Variants in HDAC9 observed in about 807,000 individuals in gnomAD.
The protein encoded by HDAC9 is histone deacetylase 9.
In HDAC9, 41 loss-of-function variants were observed where a neutral mutation model predicts 139.4. That is an observed-to-expected ratio of 0.29 (90% CI 0.23 to 0.38). The LOEUF (loss-of-function observed/expected upper bound fraction) is 0.38, where lower values mean the gene tolerates loss of function less well. Among genes scored for constraint, HDAC9 ranks in the 10% least tolerant of loss-of-function variants. The pLI, the probability that HDAC9 is intolerant of heterozygous loss-of-function variation, is 1.00. For missense variants in HDAC9, 1,147 were observed against 1,297.0 expected (o/e 0.88, Z 1.78); for synonymous variants, 517 against 476.2 (o/e 1.09, Z -1.12).
chr7:18,327,213 A>C (rs1331411096), intron 1 of HDAC9, among the ~76,000 whole-genome samples: 1 of 151,886 alleles, frequency 6.6e-6, no homozygotes, highest in African/African-American at 2.4e-5. Context: ...GATTAAAAAT[A>C]GTTGTGTTTA....
chr7:18,251,874 T>G (rs1461055492), intron 2 of HDAC9, among the ~76,000 whole-genome samples: 3 of 152,206 alleles, frequency 2.0e-5, no homozygotes, highest in African/African-American at 7.2e-5. Context: ...TATTAGAAAC[T>G]TACTTTGTTA....
chr7:18,800,927 T>C (rs577774695), intron 17 of HDAC9, among the ~76,000 whole-genome samples: 1 of 152,286 alleles, frequency 6.6e-6, no homozygotes, highest in East Asian at 1.9e-4. Context: ...AGTGGCATCT[T>C]ATTACAATTA....
chr7:18,251,369 G>T (rs377680926), intron 2 of HDAC9, among the ~76,000 whole-genome samples: 4 of 152,198 alleles, frequency 2.6e-5, no homozygotes, highest in South Asian at 4.2e-4. Context: ...GAAGAGTGGT[G>T]GGGGGAGGGA....
chr7:18,877,235 A>G (rs1799386684), intron 22 of HDAC9, among the ~76,000 whole-genome samples: 1 of 152,148 alleles, frequency 6.6e-6, no homozygotes, highest in Admixed American at 6.6e-5. Flanking sequence ...ATTACTAGAT[A>G]GCTCAATAGT....
intron 21 of HDAC9, among the ~76,000 whole-genome samples, chr7:18,869,255 C>A (rs1198334544): frequency 6.6e-6 from 1 of 150,870 alleles, no homozygotes; most frequent in Non-Finnish European, 1.5e-5. Context: ...AATCTCATGT[C>A]AAAATGTAAT....
At chr7:18,700,554 G>T (rs1019071170) in intron 12 of HDAC9, among the ~76,000 whole-genome samples, 1 of 152,232 alleles carries the variant, frequency 6.6e-6, no homozygotes, top group African/African-American at 2.4e-5. Context: ...TGGAGGAACA[G>T]TATTGAGTTG....
rs754059165 is a variant in HDAC9 at position 18,976,511 on chromosome 7, C to A, written c.3170+558C>A. Among the ~76,000 whole-genome samples, 3 of 152,154 alleles carry A rather than the reference C, an allele frequency of 2.0e-5. No individual in the cohort carries two copies. In the South Asian group the frequency reaches 6.2e-4, roughly 32 times the overall value. On this transcript the variant is annotated intron_variant, in intron 25 of 25. Coordinates refer to ENST00000686413, the MANE Select transcript of HDAC9 (RefSeq NM_178425.4). Reference sequence around the variant, plus strand: ...GACTGTGTGTAAAGGACTGTGTGAACTTGGGGCTGATTTTATTTCATTTTG... The same window carrying A: ...GACTGTGTGTAAAGGACTGTGTGAAATTGGGGCTGATTTTATTTCATTTTG...
intron 23 of HDAC9, among the ~76,000 whole-genome samples, chr7:18,952,916 T>A (rs1782900976): frequency 6.6e-6 from 1 of 151,908 alleles, no homozygotes; most frequent in South Asian, 2.1e-4. Context: ...TCTGGAAAGT[T>A]ATAGTTAGTG....
intron 12 of HDAC9, among the ~76,000 whole-genome samples, chr7:18,715,821 A>T (rs1278524695): frequency 2.0e-5 from 3 of 152,168 alleles, no homozygotes; most frequent in African/African-American, 7.2e-5. Context: ...TTTTAAATTA[A>T]TGACCTCTGA....
intron 12 of HDAC9, among the ~76,000 whole-genome samples, chr7:18,709,587 G>A (rs972571612): frequency 6.6e-6 from 1 of 152,040 alleles, no homozygotes; most frequent in African/African-American, 2.4e-5. Flanking sequence ...AAATATTATA[G>A]CTTAATTCAC....
chr7:18,432,300 T>C (rs60437688), intron 1 of HDAC9, among the ~76,000 whole-genome samples: 5,693 of 152,272 alleles, frequency 0.037, 149 homozygotes, highest in African/African-American at 0.076. Context: ...CTGGCAGCTC[T>C]CCCATTCCAT....
At chr7:18,405,085 G>C (rs1435209509) in intron 1 of HDAC9, among the ~76,000 whole-genome samples, 2 of 152,194 alleles carry the variant, frequency 1.3e-5, no homozygotes, top group African/African-American at 4.8e-5. Flanking sequence ...GAAAGCCCGC[G>C]CAGATAAAGG....
Position 18,885,584 on chromosome 7 carries a change from A to G in HDAC9, c.2803+10988A>G, listed in dbSNP as rs564301939. On this transcript the variant is annotated intron_variant, in intron 22 of 25. Coordinates refer to ENST00000686413, the MANE Select transcript of HDAC9 (RefSeq NM_178425.4). Reference sequence around the variant, plus strand: ...CTATGCTTAAGTCACAGAGATGAAGACTAACAAAACCACAACCAGATCTCA... The same window carrying G: ...CTATGCTTAAGTCACAGAGATGAAGGCTAACAAAACCACAACCAGATCTCA... Among the ~76,000 whole-genome samples, 22 of 152,346 alleles carry G rather than the reference A, an allele frequency of 1.4e-4. No individual in the cohort carries two copies. The South Asian group carries it at 3.9e-3, about 27-fold the overall frequency.
chr7:18,855,779 A>C (rs972272061), intron 21 of HDAC9, among the ~76,000 whole-genome samples: 1 of 151,990 alleles, frequency 6.6e-6, no homozygotes, highest in African/African-American at 2.4e-5. Flanking sequence ...GTCTAACCAA[A>C]CGGTAGCTGA....
intron 2 of HDAC9, among the ~76,000 whole-genome samples, chr7:18,179,058 T>C (rs1326773864): frequency 4.6e-5 from 7 of 152,226 alleles, no homozygotes; most frequent in Non-Finnish European, 1.0e-4. Flanking sequence ...TACTTTGGAA[T>C]GTATCTGGTC....
In HDAC9 at chr7:18,630,867, T is replaced by A. The variant is rs184971847; in HGVS notation, c.796+1386T>A. On this transcript the variant is annotated intron_variant, in intron 7 of 25. Coordinates refer to ENST00000686413, the MANE Select transcript of HDAC9 (RefSeq NM_178425.4). ...TTGTTTTAATGAATGTGAAGAATTA[T>A]AAACCTATCAGGTGTCTAATGTAAA... Among the ~76,000 whole-genome samples the A allele has an allele frequency of 2.1e-4, 32 of 152,236 alleles. No individual in the cohort carries two copies. In the East Asian group the frequency reaches 6.2e-3, roughly 29 times the overall value.
chr7:18,764,001 C>G (rs1037619391), intron 15 of HDAC9, among the ~76,000 whole-genome samples: 4 of 152,076 alleles, frequency 2.6e-5, no homozygotes, highest in Non-Finnish European at 5.9e-5. Context: ...GAAGTTTAAA[C>G]TTTTGCAACA....
At chr7:18,642,655 A>G (rs1179198035) in intron 8 of HDAC9, among the ~76,000 whole-genome samples, 3 of 152,094 alleles carry the variant, frequency 2.0e-5, no homozygotes, top group African/African-American at 2.4e-5. Context: ...CTCAAGTTTT[A>G]TAGGAAACTA....
intron 12 of HDAC9, chr7:18,667,551 T>C (rs1179753655): frequency 1.5e-5 from 15 of 985,264 alleles, no homozygotes; most frequent in Non-Finnish European, 1.8e-5. Context: ...ACAAACAACT[T>C]TGAAGGCAAC....
Sources: gnomAD v4.1 joint callset for allele counts (sites outside exome capture counted in the v4.1 genomes callset) on GRCh38, gnomAD v4.1.1 for gene constraint, MANE v1.5 for transcripts, NCBI Gene and HGNC (gene_info 2026-07-23, HGNC 2026-07-21) for gene names.